PHAF1: variants seen among roughly 807,000 people sequenced by gnomAD.
PHAF1 encodes phagophore assembly factor 1.
A neutral mutation model predicts 63.1 loss-of-function variants in PHAF1; 23 were observed. That is an observed-to-expected ratio of 0.36 (90% CI 0.26 to 0.52). The LOEUF is 0.52. Ranked by LOEUF, PHAF1 falls within the 20% of genes least tolerant of loss-of-function variation. The pLI is 0.93. For synonymous variants in PHAF1, 167 were observed against 185.0 expected (o/e 0.90, Z 0.79); for missense variants, 427 against 517.2 (o/e 0.83, Z 1.69).
intron 8 of PHAF1, among the ~76,000 whole-genome samples, chr16:67,136,553 CCT>C (rs1963614267): frequency 1.0e-5 from 1 of 98,978 alleles, no homozygotes; most frequent in African/African-American, 6.2e-5. Flanking sequence ...GGCATTGATT[CCT>C]TTTTTTTTTT....
chr16:67,126,000 C>T lies in PHAF1; in HGVS notation c.189C>T (p.Asp63=), dbSNP rs376996983. ...SHDLILNLTQ[D]GIKLMFDAFN... The stretch of plus-strand genomic sequence containing the variant: ...ACCTCATTCTTAACCTGACTCAGGA[C>T]GGGATCAAACTAATGTTTGATGCTT... The change falls in exon 3 of 16, where the codon GAC becomes GAT. Residue 63 remains aspartate (D), a synonymous_variant. Transcript: ENST00000219139. The T allele has an allele frequency of 2.2e-5, 35 of 1,612,790 alleles. No homozygotes were observed. The highest frequency in any genetic ancestry group is 1.6e-4 in the Middle Eastern group (1 of 6,082).
At chr16:67,125,235 G>T (rs1464292873) in intron 2 of PHAF1, among the ~76,000 whole-genome samples, 1 of 152,114 alleles carries the variant, frequency 6.6e-6, no homozygotes, top group East Asian at 1.9e-4. Flanking sequence ...AGGTCACCAG[G>T]GTTCTGTCCA....
At chr16:67,116,329 G>A (rs1265909254) in intron 1 of PHAF1, among the ~76,000 whole-genome samples, 1 of 152,218 alleles carries the variant, frequency 6.6e-6, no homozygotes, top group East Asian at 1.9e-4. Flanking sequence ...TCTCAGATGA[G>A]GGTAGAATCA....
At chr16:67,118,059 A>C (rs1240381308) in intron 1 of PHAF1, among the ~76,000 whole-genome samples, 1 of 143,092 alleles carries the variant, frequency 7.0e-6, no homozygotes, top group African/African-American at 2.6e-5. Context: ...GGTTCATGCC[A>C]TTCTCCTGTC....
intron 8 of PHAF1, among the ~76,000 whole-genome samples, chr16:67,137,179 A>G (rs1156884082): frequency 6.6e-6 from 1 of 152,066 alleles, no homozygotes; most frequent in Non-Finnish European, 1.5e-5. Context: ...AGAATCTGGT[A>G]TATGAACTCT....
At chr16:67,136,837 T>TC (rs1157485867) in intron 8 of PHAF1, among the ~76,000 whole-genome samples, 1 of 151,042 alleles carries the variant, frequency 6.6e-6, no homozygotes, top group African/African-American at 2.4e-5. Context: ...CACCTCAGCC[T>TC]CCCAAATGGT....
chr16:67,138,235 G>A (rs1963679597), intron 8 of PHAF1, among the ~76,000 whole-genome samples: 1 of 152,156 alleles, frequency 6.6e-6, no homozygotes, highest in Non-Finnish European at 1.5e-5. Context: ...CCAGAGTCCA[G>A]CTTGACAGGA....
At chr16:67,145,778 A>G in intron 14 of PHAF1, 150 bp downstream of exon 14, 2 of 812,896 alleles carry the variant, frequency 2.5e-6, no homozygotes, top group Non-Finnish European at 3.8e-6. Flanking sequence ...TCTGCACATT[A>G]GGACTGAGTC....
chr16:67,134,096 G>A (rs1323783529), intron 6 of PHAF1, 72 bp from the exon 7 acceptor site: 2 of 1,299,158 alleles, frequency 1.5e-6, no homozygotes, highest in African/African-American at 1.5e-5. Context: ...GACCATGAGT[G>A]ACAGGGAAGA....
intron 2 of PHAF1, among the ~76,000 whole-genome samples, chr16:67,125,553 A>G (rs1356117903): frequency 6.6e-6 from 1 of 152,166 alleles, no homozygotes; most frequent in African/African-American, 2.4e-5. Context: ...CTGAGTTTAG[A>G]TCCTGGACTA....
intron 1 of PHAF1, among the ~76,000 whole-genome samples, chr16:67,116,659 G>T (rs1466365410): frequency 1.3e-5 from 2 of 152,210 alleles, no homozygotes. Context: ...AGACCAGTCT[G>T]GGCAACACAG....
At position 67,148,141 on chromosome 16, in the gene PHAF1, T is replaced by C. The variant is rs2030258981; in HGVS notation, c.*1010T>C. The C allele has an allele frequency of 6.5e-6, 1 of 152,716 alleles. No individual in the cohort carries two copies. Among genetic ancestry groups the C allele is most frequent in the Admixed American group, 6.5e-5 (1 of 15,290 alleles). The allele number at this position is 152,716 out of a possible 1,614,324, so 9.5% of individuals were successfully genotyped here. A position where few individuals can be genotyped will look rare whatever the true frequency, so the allele number is the denominator to read the frequency against. ...ATTTTTAATATTTTGGTCTAGCAACTTGTGATACATAGATGACAATTTTGT... is the reference window on the plus strand; with the variant it reads ...ATTTTTAATATTTTGGTCTAGCAACCTGTGATACATAGATGACAATTTTGT... On this transcript the variant is annotated 3_prime_UTR_variant, in exon 16 of 16. Coordinates refer to ENST00000219139, the MANE Select transcript of PHAF1 (RefSeq NM_025187.5).
chr16:67,142,000 A>G (rs1430281158), intron 10 of PHAF1, among the ~76,000 whole-genome samples: 1 of 152,236 alleles, frequency 6.6e-6, no homozygotes, highest in East Asian at 1.9e-4. Flanking sequence ...GCGGCCAGGA[A>G]GAATGAGGTA....
intron 3 of PHAF1, among the ~76,000 whole-genome samples, chr16:67,127,202 C>T (rs1300448395): frequency 3.9e-5 from 6 of 152,174 alleles, no homozygotes; most frequent in African/African-American, 1.4e-4. Flanking sequence ...TTACAAATGC[C>T]TGGGCCTCAC....
intron 15 of PHAF1, 34 bp downstream of exon 15, chr16:67,146,384 G>C (rs573331731): frequency 4.4e-6 from 7 of 1,594,990 alleles, no homozygotes; most frequent in South Asian, 1.1e-5. Flanking sequence ...TAAACTGCCT[G>C]GGGGGTTGCT....
In PHAF1 at chr16:67,140,514, A is replaced by G; in HGVS notation, c.799A>G (p.Lys267Glu). The G allele has an allele frequency of 6.3e-7, 1 of 1,579,886 alleles. No homozygotes were observed. Among genetic ancestry groups the G allele is most frequent in the Non-Finnish European group, 8.7e-7 (1 of 1,148,888 alleles). The stretch of plus-strand genomic sequence containing the variant: ...TATGGTTATTTTTTCCCTACAGATG[A>G]AAATTCATTCTCCTTCCCCTCATAA... ...KVFYKSEDKM[K>E]IHSPSPHKQV... is the part of the protein sequence containing the mutation. The change falls in exon 10 of 16, where the codon AAA (lysine) becomes GAA (glutamate). Residue 267 changes from lysine to glutamate, a missense_variant. Coordinates refer to ENST00000219139, the MANE Select transcript of PHAF1 (RefSeq NM_025187.5).
At chr16:67,121,715 G>A (rs1028741158) in intron 2 of PHAF1, among the ~76,000 whole-genome samples, 10 of 151,578 alleles carry the variant, frequency 6.6e-5, no homozygotes, top group Admixed American at 6.6e-4. Flanking sequence ...CGAGTAGCTG[G>A]GGTTACAGGC....
At chr16:67,146,451 T>G (rs2030084830) in intron 15 of PHAF1, 101 bp downstream of exon 15, 1 of 1,223,928 alleles carries the variant, frequency 8.2e-7, no homozygotes. Context: ...ATCACTGCCA[T>G]AGTGGGCAGA....
chr16:67,125,853 CT>C, intron 2 of PHAF1, 105 bp from the exon 3 acceptor site: 1 of 808,716 alleles, frequency 1.2e-6, no homozygotes, highest in Non-Finnish European at 2.1e-6. Flanking sequence ...GAGGGACTGT[CT>C]GCACTTAGAT....
Sources: allele counts gnomAD v4.1 joint callset (sites outside exome capture counted in the v4.1 genomes callset), GRCh38; gene constraint gnomAD v4.1.1; transcripts MANE v1.5; gene names NCBI Gene and HGNC (gene_info 2026-07-23, HGNC 2026-07-21).